SH2D1B: variants seen among roughly 807,000 people sequenced by gnomAD.
SH2D1B encodes the protein SH2 domain containing 1B, also known as SH2 domain-containing protein 1B.
A neutral mutation model predicts 16.3 loss-of-function variants in SH2D1B; 11 were observed. That is an observed-to-expected ratio of 0.67 (90% CI 0.42 to 1.11). The LOEUF is 1.11. Ranked by LOEUF, SH2D1B falls within the 50% of genes most tolerant of loss-of-function variation. The probability of loss-of-function intolerance (pLI) is 0.00; values close to 1 mark genes in which losing one functional copy is unlikely to be tolerated. For missense variants in SH2D1B, 123 were observed against 153.1 expected, an observed-to-expected ratio of 0.80 and a Z score of 1.04; for synonymous variants, 55 against 56.1, an observed-to-expected ratio of 0.98 and a Z score of 0.09.
intron 1 of SH2D1B, among the ~76,000 whole-genome samples, chr1:162,407,519 C>T (rs74116720): frequency 0.019 from 2,842 of 152,276 alleles, 88 homozygotes; most frequent in African/African-American, 0.061. Context: ...GTGATCATGT[C>T]GCCTACCGCA....
rs903438709 is a variant in SH2D1B at position 162,399,224 on chromosome 1, C to A, written c.199-137G>T. 3 of 742,468 alleles carry A rather than the reference C, an allele frequency of 4.0e-6. No individual in the cohort carries two copies. The South Asian group carries it at 6.2e-5, about 15-fold the overall frequency. The allele number at this position is 742,468 out of a possible 1,614,324, so 46.0% of individuals were successfully genotyped here. ...GAAAACAAGTGGCTGGAGCTCACAC[C>A]ACTCCCAGTTCACAGAAACTCTCAT... On this transcript the variant is annotated intron_variant, in intron 2 of 3. Transcript: ENST00000367929.
intron 1 of SH2D1B, among the ~76,000 whole-genome samples, chr1:162,408,044 C>T (rs1648690495): frequency 6.6e-6 from 1 of 152,196 alleles, no homozygotes; most frequent in Non-Finnish European, 1.5e-5. Context: ...ATAATTATCA[C>T]ATGCATCACT....
At chr1:162,404,909 C>T (rs1032264369) in intron 1 of SH2D1B, among the ~76,000 whole-genome samples, 3 of 152,188 alleles carry the variant, frequency 2.0e-5, no homozygotes, top group African/African-American at 7.2e-5. Flanking sequence ...AAAAGATAAG[C>T]CTACATAGAA....
intron 1 of SH2D1B, among the ~76,000 whole-genome samples, chr1:162,403,036 G>A (rs899642310): frequency 2.6e-5 from 4 of 151,838 alleles, no homozygotes; most frequent in African/African-American, 4.8e-5. Flanking sequence ...AGCCTCCTGC[G>A]TAGCTGGGAT....
intron 1 of SH2D1B, among the ~76,000 whole-genome samples, chr1:162,403,496 AAAAAAAAAAAAAAAAAT>A (rs1451937955): frequency 3.6e-5 from 1 of 28,084 alleles, no homozygotes; most frequent in Non-Finnish European, 8.3e-5. Context: ...CTGAAAAAAA[AAAAAAAAAAAAAAAAAT>A]ATATATATAT....
intron 2 of SH2D1B, among the ~76,000 whole-genome samples, chr1:162,400,503 A>AGTAGAG (rs1648490131): frequency 4.7e-5 from 6 of 128,132 alleles, no homozygotes; most frequent in Non-Finnish European, 9.6e-5. Flanking sequence ...ATGGGGTTTC[A>AGTAGAG]CTGTGTTAGC....
intron 1 of SH2D1B, among the ~76,000 whole-genome samples, chr1:162,404,764 T>C (rs1046089475): frequency 3.3e-5 from 5 of 152,254 alleles, no homozygotes; most frequent in Non-Finnish European, 5.9e-5. Flanking sequence ...TACACACTTA[T>C]TAATACAGTT....
chr1:162,397,812 A>C (rs759860617), intron 3 of SH2D1B, among the ~76,000 whole-genome samples: 7 of 152,142 alleles, frequency 4.6e-5, no homozygotes, highest in Non-Finnish European at 1.0e-4. Flanking sequence ...CCACCACCCC[A>C]ACCAGTCCCA....
intron 1 of SH2D1B, 82 bp from the exon 2 acceptor site, chr1:162,402,884 C>G: frequency 1.9e-6 from 2 of 1,045,286 alleles, no homozygotes; most frequent in Non-Finnish European, 2.9e-6. Flanking sequence ...TATGCAATAC[C>G]TTTGTTAATC....
intron 2 of SH2D1B, 73 bp from the exon 3 acceptor site, chr1:162,399,160 GT>G: frequency 6.8e-7 from 1 of 1,467,928 alleles, no homozygotes; most frequent in Non-Finnish European, 9.2e-7. Flanking sequence ...TCTCAAAGCA[GT>G]GGGTTTTCAG....
chr1:162,406,769 C>T (rs1255250225), intron 1 of SH2D1B, among the ~76,000 whole-genome samples: 1 of 152,190 alleles, frequency 6.6e-6, no homozygotes, highest in Non-Finnish European at 1.5e-5. Context: ...TTAATGAGAG[C>T]ATGCAGTAGG....
At chr1:162,400,007 CAGTT>C (rs1311837394) in intron 2 of SH2D1B, among the ~76,000 whole-genome samples, 1 of 152,156 alleles carries the variant, frequency 6.6e-6, no homozygotes, top group East Asian at 1.9e-4. Flanking sequence ...ATTTGGAGAA[CAGTT>C]AGGCTGCTTA....
chr1:162,408,416 T>C (rs75782644), intron 1 of SH2D1B, among the ~76,000 whole-genome samples: 1 of 145,300 alleles, frequency 6.9e-6, no homozygotes, highest in African/African-American at 2.5e-5. Flanking sequence ...TTTCTCTTCT[T>C]TTTTTTTTTT....
At chr1:162,402,469 G>A in intron 2 of SH2D1B, 1 of 245,586 alleles carries the variant, frequency 4.1e-6, no homozygotes, top group Non-Finnish European at 7.8e-6. Flanking sequence ...AGTGAGCCGA[G>A]ATCGCACCAC....
At chr1:162,410,602 GT>G (rs1453059703) in intron 1 of SH2D1B, among the ~76,000 whole-genome samples, 1 of 151,500 alleles carries the variant, frequency 6.6e-6, no homozygotes, top group Non-Finnish European at 1.5e-5. Flanking sequence ...GCATAAACAA[GT>G]TCCTTCAGCT....
chr1:162,398,522 T>TA (rs1457762774), intron 3 of SH2D1B, among the ~76,000 whole-genome samples: 3 of 152,228 alleles, frequency 2.0e-5, no homozygotes, highest in Non-Finnish European at 4.4e-5. Context: ...CAGCACTTTA[T>TA]AAATGAATGC....
intron 1 of SH2D1B, among the ~76,000 whole-genome samples, chr1:162,403,020 T>C (rs558820203): frequency 2.0e-5 from 3 of 151,918 alleles, no homozygotes; most frequent in Non-Finnish European, 4.4e-5. Context: ...GCGATTCTCC[T>C]GCCTCAGCCT....
chr1:162,402,778 G>T lies in SH2D1B; in HGVS notation c.159C>A (p.Tyr53Ter), dbSNP rs1648550896. Reference sequence around the variant, plus strand: ...ACCCGTGTTTCTCTCTGAAGATTCGGTATGTGTAGACAATATTTTTAAACC... The same window carrying T: ...ACCCGTGTTTCTCTCTGAAGATTCGTTATGTGTAGACAATATTTTTAAACC... The part of the protein sequence containing the change: ...CVSFKNIVYT[Y>*]RIFREKHGYY... The change falls in exon 2 of 4, where the codon TAC (tyrosine) becomes TAA (stop). Residue 53 changes from tyrosine to a stop codon, truncating the protein, a stop_gained. Coordinates refer to ENST00000367929, the MANE Select transcript of SH2D1B (RefSeq NM_053282.5). LOFTEE classifies it high-confidence loss of function. The T allele has an allele frequency of 6.2e-7, 1 of 1,613,828 alleles. No homozygotes were observed. Among genetic ancestry groups the T allele is most frequent in the Admixed American group, 1.7e-5 (1 of 60,016 alleles).
chr1:162,411,277 G>A (rs1288491527), intron 1 of SH2D1B, among the ~76,000 whole-genome samples: 2 of 152,136 alleles, frequency 1.3e-5, no homozygotes, highest in Non-Finnish European at 2.9e-5. Context: ...GTTTAACTTA[G>A]ACTCTGGAAA....
Sources: gnomAD v4.1 joint callset for allele counts (sites outside exome capture counted in the v4.1 genomes callset) on GRCh38, gnomAD v4.1.1 for gene constraint, MANE v1.5 for transcripts, NCBI Gene and HGNC (gene_info 2026-07-23, HGNC 2026-07-21) for gene names.